The following PUM2 variants were observed in gnomAD, a reference collection of about 807,000 sequenced individuals.
PUM2 encodes pumilio RNA binding family member 2, also known as pumilio homolog 2.
In PUM2, 57 loss-of-function variants were observed where a neutral mutation model predicts 124.5. That is an observed-to-expected ratio of 0.46 (90% CI 0.37 to 0.57). PUM2 has a LOEUF of 0.57. Among genes scored for constraint, PUM2 ranks in the 20% least tolerant of loss-of-function variants. The pLI is 0.00. For missense variants in PUM2, 1,065 were observed against 1,290.6 expected (o/e 0.83, Z 2.68); for synonymous variants, 460 against 446.1 (o/e 1.03, Z -0.39).
intron 3 of PUM2, among the ~76,000 whole-genome samples, chr2:20,317,102 C>T (rs1040232610): frequency 1.3e-5 from 2 of 151,720 alleles, no homozygotes; most frequent in African/African-American, 4.8e-5. Flanking sequence ...GAAGAGGAGG[C>T]AGAAGGATCT....
At chr2:20,327,831 C>T (rs929457818) in intron 1 of PUM2, among the ~76,000 whole-genome samples, 1 of 152,084 alleles carries the variant, frequency 6.6e-6, no homozygotes, top group Non-Finnish European at 1.5e-5. Context: ...TCTAGAGCAA[C>T]CAGAGCTGCT....
chr2:20,299,483 C>T (rs978565222), intron 7 of PUM2, among the ~76,000 whole-genome samples: 1 of 151,992 alleles, frequency 6.6e-6, no homozygotes, highest in Non-Finnish European at 1.5e-5. Context: ...TGGTCTTGAA[C>T]ACAGTGAAAC....
At chr2:20,275,077 T>C (rs954410902) in intron 13 of PUM2, among the ~76,000 whole-genome samples, 2 of 150,546 alleles carry the variant, frequency 1.3e-5, no homozygotes, top group African/African-American at 4.9e-5. Flanking sequence ...CAATATTTAA[T>C]ATTGAACCTG....
chr2:20,283,571 C>T (rs1672056829), intron 10 of PUM2, 85 bp from the exon 11 acceptor site: 3 of 1,322,736 alleles, frequency 2.3e-6, no homozygotes, highest in South Asian at 1.4e-5. Flanking sequence ...ATTTTTTCAA[C>T]TAGACAACAC....
At chr2:20,259,853 C>G (rs1325871247) in intron 15 of PUM2, among the ~76,000 whole-genome samples, 2 of 152,180 alleles carry the variant, frequency 1.3e-5, no homozygotes, top group African/African-American at 4.8e-5. Context: ...AACTGCCAAA[C>G]TGTTTTCCAT....
chr2:20,256,222 A>G, intron 16 of PUM2, 52 bp from the exon 17 acceptor site: 2 of 1,485,306 alleles, frequency 1.3e-6, no homozygotes, highest in Admixed American at 5.2e-5. Context: ...AGAAAATACT[A>G]GTATATTTTA....
intron 1 of PUM2, among the ~76,000 whole-genome samples, chr2:20,334,996 A>G (rs956756686): frequency 2.0e-5 from 3 of 152,130 alleles, no homozygotes; most frequent in Non-Finnish European, 4.4e-5. Flanking sequence ...CACCGAAGCT[A>G]GAGTACAGTG....
At chr2:20,255,370 G>T in intron 17 of PUM2, 29 bp from the exon 18 acceptor site, 2 of 1,585,984 alleles carry the variant, frequency 1.3e-6, no homozygotes. Context: ...ATTAAAATTT[G>T]TATTCTCTGA....
chr2:20,323,908 CAAAAAAAAAA>C (rs397984008), intron 2 of PUM2, among the ~76,000 whole-genome samples: 17 of 58,434 alleles, frequency 2.9e-4, no homozygotes, highest in East Asian at 1.4e-3. Context: ...TACGGACTAG[CAAAAAAAAAA>C]AAAAAAAAAA....
At chr2:20,337,714 C>T (rs1262329805) in intron 1 of PUM2, among the ~76,000 whole-genome samples, 1 of 152,154 alleles carries the variant, frequency 6.6e-6, no homozygotes, top group Non-Finnish European at 1.5e-5. Flanking sequence ...TTCATATGAA[C>T]TTAATTTGGC....
intron 2 of PUM2, among the ~76,000 whole-genome samples, chr2:20,324,776 G>A (rs569444076): frequency 6.6e-6 from 1 of 152,196 alleles, no homozygotes; most frequent in East Asian, 1.9e-4. Flanking sequence ...GCTCAGTAAA[G>A]ACATCATGAT....
rs374620788 is a variant in PUM2 at position 20,311,124 on chromosome 2, G to A, written c.518+370C>T. ...TACTCAGAAGGAAGAAAACTCCACTGAAAGGTGCTCAAAAGCACTCCCAAG... is the reference window on the plus strand; with the variant it reads ...TACTCAGAAGGAAGAAAACTCCACTAAAAGGTGCTCAAAAGCACTCCCAAG... On this transcript the variant is annotated intron_variant, in intron 5 of 20. Transcript: ENST00000361078. Among the ~76,000 whole-genome samples the A allele has an allele frequency of 3.4e-4, 52 of 151,826 alleles. No homozygotes were observed. In the South Asian group the frequency reaches 1.0e-2, roughly 29 times the overall value.
intron 1 of PUM2, among the ~76,000 whole-genome samples, chr2:20,336,438 T>C (rs72787499): frequency 0.29 from 44,661 of 151,824 alleles, 6,793 homozygotes; most frequent in Middle Eastern, 0.36. Flanking sequence ...GCACCTTGCC[T>C]TGGCCTCCCA....
In PUM2 at chr2:20,283,144, T is replaced by C; in HGVS notation, c.1523A>G (p.Gln508Arg). Residue 508 changes from glutamine (Q) to arginine (R), a missense_variant, in exon 12 of 21, where the codon CAG becomes CGG. Around this residue, in one of 3 missense-constraint regions of PUM2, gnomAD observed 968 missense variants for 1,159.8 expected, o/e 0.83. Transcript: ENST00000361078. Reference sequence around the variant, plus strand: ...AGTGCTTGGCTGCTGTTGCTGCTGCTGTGGTGGCTGAGTGCCAATTGGCCG... The same window carrying C: ...AGTGCTTGGCTGCTGTTGCTGCTGCCGTGGTGGCTGAGTGCCAATTGGCCG... ...LFRPIGTQPP[Q>R]QQQQQPSTNL... The C allele has an allele frequency of 2.5e-6, 4 of 1,614,140 alleles. No homozygotes were observed. Among genetic ancestry groups the C allele is most frequent in the Non-Finnish European group, 2.5e-6 (3 of 1,180,006 alleles).
upstream of PUM2, among the ~76,000 whole-genome samples, chr2:20,351,072 G>T (rs1462779866): frequency 6.6e-6 from 1 of 152,154 alleles, no homozygotes; most frequent in Non-Finnish European, 1.5e-5. Flanking sequence ...TTCCCTCCTG[G>T]GCTCCGCCGC....
chr2:20,283,330 C>G lies in PUM2; in HGVS notation c.1435+13G>C. 1 of 1,613,462 alleles carries G rather than the reference C, an allele frequency of 6.2e-7. No homozygotes were observed. Among genetic ancestry groups the G allele is most frequent in the Non-Finnish European group, 8.5e-7 (1 of 1,179,698 alleles). On this transcript the variant is annotated intron_variant, in intron 11 of 20. Transcript: ENST00000361078. ...CAGAAAAATATTATCCTAAAAATGT[C>G]AGTTACACTTACCAGCTTGTGCTGC...
chr2:20,276,068 T>C lies in PUM2; in HGVS notation c.1957+2515A>G, dbSNP rs1436845658. On this transcript the variant is annotated intron_variant, in intron 13 of 20. Transcript: ENST00000361078. ...AAAATGGAAGAATAAAATTTTTTCATGCATCTAACTTTAATATATTAGAAT... is the reference window on the plus strand; with the variant it reads ...AAAATGGAAGAATAAAATTTTTTCACGCATCTAACTTTAATATATTAGAAT... Among the ~76,000 whole-genome samples, 3 of 152,028 alleles carry C rather than the reference T, an allele frequency of 2.0e-5. No individual in the cohort carries two copies. In the East Asian group the frequency reaches 5.8e-4, roughly 29 times the overall value.
At chr2:20,284,851 GGTT>G (rs1251725569) in intron 10 of PUM2, among the ~76,000 whole-genome samples, 2 of 152,154 alleles carry the variant, frequency 1.3e-5, no homozygotes, top group South Asian at 4.1e-4. Flanking sequence ...CACATGCATA[GGTT>G]GTTTTTAGTA....
At chr2:20,302,138 C>T (rs1221298032) in intron 7 of PUM2, among the ~76,000 whole-genome samples, 1 of 152,188 alleles carries the variant, frequency 6.6e-6, no homozygotes, top group East Asian at 1.9e-4. Flanking sequence ...GTCTTGACCT[C>T]CTAGGCTCAA....
Sources: allele counts gnomAD v4.1 joint callset (sites outside exome capture counted in the v4.1 genomes callset), GRCh38; gene constraint gnomAD v4.1.1; regional missense constraint gnomAD v4.1.1; transcripts MANE v1.5; gene names NCBI Gene and HGNC (gene_info 2026-07-23, HGNC 2026-07-21).